The following FUT8 variants were observed in gnomAD, a reference collection of about 807,000 sequenced individuals.
FUT8 encodes fucosyltransferase 8, also known as alpha-(1,6)-fucosyltransferase.
In FUT8, 29 loss-of-function variants were observed where a neutral mutation model predicts 71.3. The ratio of observed to expected loss-of-function variants is 0.41; its 90% CI spans 0.30 to 0.55. The LOEUF (loss-of-function observed/expected upper bound fraction) is 0.55. Among genes scored for constraint, FUT8 ranks in the 20% least tolerant of loss-of-function variants. The pLI, the probability that FUT8 is intolerant of heterozygous loss-of-function variation, is 0.34. For missense variants in FUT8, 544 were observed against 702.1 expected (o/e 0.77, Z 2.55); for synonymous variants, 254 against 239.3 (o/e 1.06, Z -0.57).
chr14:65,475,417 G>T (rs2066222207), intron 2 of FUT8, among the ~76,000 whole-genome samples: 1 of 152,100 alleles, frequency 6.6e-6, no homozygotes. Flanking sequence ...TCCTGGGCAT[G>T]TTATCTCCTT....
At chr14:65,663,962 T>C (rs769605769) in intron 6 of FUT8, among the ~76,000 whole-genome samples, 5 of 152,072 alleles carry the variant, frequency 3.3e-5, no homozygotes, top group Non-Finnish European at 7.4e-5. Context: ...TCACTCTTTT[T>C]TTCCTTAAAA....
At chr14:65,655,594 CAAA>C (rs34958630) in intron 6 of FUT8, among the ~76,000 whole-genome samples, 2 of 151,430 alleles carry the variant, frequency 1.3e-5, no homozygotes, top group African/African-American at 4.9e-5. Flanking sequence ...ATCAATTTAC[CAAA>C]AAAATGTAAT....
chr14:65,587,293 A>G (rs1887443391), intron 3 of FUT8, among the ~76,000 whole-genome samples: 3 of 152,212 alleles, frequency 2.0e-5, no homozygotes, highest in Admixed American at 1.3e-4. Flanking sequence ...TATTCAGGAA[A>G]TAGTTATGAT....
At chr14:65,562,668 C>T (rs144345344) in intron 3 of FUT8, among the ~76,000 whole-genome samples, 4 of 151,320 alleles carry the variant, frequency 2.6e-5, no homozygotes, top group Non-Finnish European at 4.4e-5. Context: ...ATCCTTACTC[C>T]AGAGGTGGTA....
At position 65,436,700 on chromosome 14, in the gene FUT8, T is replaced by C. The variant is rs77557684; in HGVS notation, c.-325-18921T>C. On this transcript the variant is annotated intron_variant, in intron 1 of 10. Coordinates refer to ENST00000673929, the MANE Select transcript of FUT8 (RefSeq NM_001371533.1). ...GCCCTGACAAGGTCTTTGACAAGCATTGGGGTTGCACACTCAACTGTATCA... is the reference window on the plus strand; with the variant it reads ...GCCCTGACAAGGTCTTTGACAAGCACTGGGGTTGCACACTCAACTGTATCA... Among the ~76,000 whole-genome samples the C allele has an allele frequency of 7.7e-3, 1,174 of 152,146 alleles. 9 individuals carry two copies. The highest frequency in any genetic ancestry group is 0.024 in the African/African-American group (976 of 41,488).
chr14:65,740,312 G>A (rs1896433202), intron 10 of FUT8, among the ~76,000 whole-genome samples: 1 of 89,532 alleles, frequency 1.1e-5, no homozygotes. Flanking sequence ...TTGCCTATCT[G>A]CAAAATTAAA....
At chr14:65,450,261 A>G (rs2139531919) in intron 1 of FUT8, among the ~76,000 whole-genome samples, 1 of 152,306 alleles carries the variant, frequency 6.6e-6, no homozygotes, top group South Asian at 2.1e-4. Context: ...CAGATTGAAA[A>G]TAAAACCTGT....
At chr14:65,478,540 G>A (rs1566773478) in intron 2 of FUT8, among the ~76,000 whole-genome samples, 1 of 152,088 alleles carries the variant, frequency 6.6e-6, no homozygotes, top group Admixed American at 6.6e-5. Flanking sequence ...TTTTGTGAGA[G>A]AAATTAATGG....
At chr14:65,439,952 G>GTATATATATATATA (rs1425130774) in intron 1 of FUT8, among the ~76,000 whole-genome samples, 4 of 38,220 alleles carry the variant, frequency 1.0e-4, no homozygotes, top group Admixed American at 3.7e-4. Context: ...GTGTGTGTGT[G>GTATATATATATATA]TGTATATATA....
intron 2 of FUT8, among the ~76,000 whole-genome samples, chr14:65,535,267 T>C (rs752167192): frequency 1.4e-4 from 21 of 151,722 alleles, no homozygotes; most frequent in African/African-American, 5.1e-4. Flanking sequence ...GCCCAGCCAA[T>C]TTTTTATATT....
intron 7 of FUT8, among the ~76,000 whole-genome samples, chr14:65,689,326 T>C: frequency 6.6e-6 from 1 of 152,212 alleles, no homozygotes; most frequent in East Asian, 1.9e-4. Flanking sequence ...TGCTCAGGTC[T>C]TTTGCCCATT....
At chr14:65,445,164 C>G (rs925848601) in intron 1 of FUT8, among the ~76,000 whole-genome samples, 1 of 152,090 alleles carries the variant, frequency 6.6e-6, no homozygotes, top group Non-Finnish European at 1.5e-5. Context: ...CGAGATCACG[C>G]CACTGCACTA....
intron 3 of FUT8, among the ~76,000 whole-genome samples, chr14:65,568,265 C>A (rs955974604): frequency 1.5e-4 from 23 of 151,590 alleles, no homozygotes; most frequent in Admixed American, 3.3e-4. Flanking sequence ...AGTAATGTCT[C>A]CTTTTTCATT....
At chr14:65,661,032 A>C (rs1411177348) in intron 6 of FUT8, among the ~76,000 whole-genome samples, 1 of 152,168 alleles carries the variant, frequency 6.6e-6, no homozygotes, top group Non-Finnish European at 1.5e-5. Flanking sequence ...AGAGCAGACA[A>C]AGAGCACAGT....
intron 6 of FUT8, among the ~76,000 whole-genome samples, chr14:65,650,167 C>T (rs555210277): frequency 1.4e-4 from 21 of 151,922 alleles, no homozygotes; most frequent in Non-Finnish European, 2.2e-4. Flanking sequence ...GGCGTGGTGG[C>T]ACGCGCCTGT....
chr14:65,361,799 C>T, the FUT8 span, among the ~76,000 whole-genome samples: 960 of 147,030 alleles, frequency 6.5e-3, 9 homozygotes, highest in African/African-American at 0.024. Flanking sequence ...AGAAAACAAA[C>T]AAACAAACAA....
chr14:65,611,642 T>G (rs535830548), intron 3 of FUT8, among the ~76,000 whole-genome samples: 6 of 152,114 alleles, frequency 3.9e-5, no homozygotes, highest in African/African-American at 1.4e-4. Context: ...AACTTGGGTA[T>G]CTATTAAAAT....
rs1891460421 is a variant in FUT8, at chr14:65,652,537, T to G, written c.598-16706T>G. Among the ~76,000 whole-genome samples, 3 of 152,178 alleles carry G rather than the reference T, an allele frequency of 2.0e-5. No homozygotes were observed. Among genetic ancestry groups the G allele is most frequent in the African/African-American group, 7.2e-5 (3 of 41,446 alleles). On this transcript the variant is annotated intron_variant, in intron 6 of 10. Coordinates refer to ENST00000673929, the MANE Select transcript of FUT8 (RefSeq NM_001371533.1). This position sits in a 1 kb window ranked among gnomAD's most constrained non-coding sequence, Gnocchi z 4.0. The stretch of plus-strand genomic sequence containing the variant: ...AGGCATTCAGATAAAAAGCTAACAT[T>G]CTGAGGCTGGTGAAGAAGAGACTGG...
At chr14:65,577,858 A>G (rs1886876046) in intron 3 of FUT8, among the ~76,000 whole-genome samples, 1 of 152,116 alleles carries the variant, frequency 6.6e-6, no homozygotes, top group African/African-American at 2.4e-5. Context: ...TATTTCTCAT[A>G]ATTCTTCTCT....
Sources: gnomAD v4.1 joint callset for allele counts (sites outside exome capture counted in the v4.1 genomes callset) on GRCh38, gnomAD v4.1.1 for gene constraint, Gnocchi (gnomAD v3.1) non-coding constraint, MANE v1.5 for transcripts, NCBI Gene and HGNC (gene_info 2026-07-23, HGNC 2026-07-21) for gene names.